Variants in VTI1A observed in about 807,000 individuals in gnomAD.
The protein encoded by VTI1A is vesicle transport through interaction with t-SNAREs 1A, also known as vesicle transport through interaction with t-SNAREs homolog 1A.
A neutral mutation model predicts 34.9 loss-of-function variants in VTI1A; 22 were observed. The observed-to-expected ratio is 0.63, with a 90% CI of 0.45 to 0.90. The LOEUF is 0.90. VTI1A is among the 40% of genes least tolerant of loss of function. The probability of loss-of-function intolerance (pLI) is 0.00; values close to 1 mark genes in which losing one functional copy is unlikely to be tolerated. For synonymous variants in VTI1A, 87 were observed against 97.3 expected, an observed-to-expected ratio of 0.89 and a Z score of 0.62; for missense variants, 268 against 275.6, an observed-to-expected ratio of 0.97 and a Z score of 0.20.
chr10:112,702,111 G>C (rs1849029032), intron 7 of VTI1A, among the ~76,000 whole-genome samples: 1 of 152,136 alleles, frequency 6.6e-6, no homozygotes, highest in Non-Finnish European at 1.5e-5. Flanking sequence ...ACTTTGGGTA[G>C]GGCTGTGGGG....
At chr10:112,457,588 G>A (rs116595289) in intron 1 of VTI1A, among the ~76,000 whole-genome samples, 1 of 152,190 alleles carries the variant, frequency 6.6e-6, no homozygotes, top group Non-Finnish European at 1.5e-5. Context: ...AGGTGGGCCT[G>A]GTGGAGATGG....
At chr10:112,572,078 C>T (rs546120802) in intron 5 of VTI1A, among the ~76,000 whole-genome samples, 2 of 152,154 alleles carry the variant, frequency 1.3e-5, no homozygotes, top group Non-Finnish European at 2.9e-5. Flanking sequence ...CAAACCTTGG[C>T]ATCACACCAT....
At chr10:112,464,222 T>C (rs1232628115) in intron 2 of VTI1A, among the ~76,000 whole-genome samples, 1 of 152,216 alleles carries the variant, frequency 6.6e-6, no homozygotes, top group African/African-American at 2.4e-5. Context: ...GTTCTCAAAC[T>C]CCTGACCTCA....
intron 5 of VTI1A, among the ~76,000 whole-genome samples, chr10:112,641,349 A>G (rs1294567597): frequency 6.6e-6 from 1 of 152,064 alleles, no homozygotes; most frequent in Non-Finnish European, 1.5e-5. Context: ...AAAGGAAAAA[A>G]CAGAATAGCC....
intron 5 of VTI1A, among the ~76,000 whole-genome samples, chr10:112,587,998 A>G (rs1405094317): frequency 6.6e-6 from 1 of 152,138 alleles, no homozygotes; most frequent in African/African-American, 2.4e-5. Flanking sequence ...TTGAAATGAA[A>G]TTAAAAACCA....
chr10:112,760,574 C>G (rs1851427482), intron 7 of VTI1A, among the ~76,000 whole-genome samples: 1 of 152,004 alleles, frequency 6.6e-6, no homozygotes, highest in Non-Finnish European at 1.5e-5. Context: ...GGTCAAGGAC[C>G]AAGATGAGAT....
At chr10:112,497,448 T>C (rs961419477) in intron 3 of VTI1A, among the ~76,000 whole-genome samples, 12 of 152,246 alleles carry the variant, frequency 7.9e-5, no homozygotes, top group African/African-American at 2.9e-4. Context: ...TGCTTCAGTT[T>C]TCCTATCTGT....
intron 5 of VTI1A, chr10:112,548,809 G>A (rs1851234821): frequency 2.0e-6 from 3 of 1,497,110 alleles, no homozygotes; most frequent in Admixed American, 2.0e-5. Flanking sequence ...ACCAACAATG[G>A]CAGCATCACC....
chr10:112,803,518 G>A (rs1013568008), intron 7 of VTI1A, among the ~76,000 whole-genome samples: 2 of 152,222 alleles, frequency 1.3e-5, no homozygotes, highest in South Asian at 2.1e-4. Context: ...AAGAGTGGAC[G>A]TGGGGCCGGA....
chr10:112,775,689 A>G (rs1564920830), intron 7 of VTI1A, among the ~76,000 whole-genome samples: 1 of 152,224 alleles, frequency 6.6e-6, no homozygotes, highest in Non-Finnish European at 1.5e-5. Flanking sequence ...CATTAGTCCA[A>G]ATAAGCTGAA....
chr10:112,844,307 C>T, the VTI1A span, among the ~76,000 whole-genome samples: 1 of 152,198 alleles, frequency 6.6e-6, no homozygotes, highest in South Asian at 2.1e-4. Flanking sequence ...AAATGAGTTG[C>T]AAATCTCCAT....
chr10:112,818,009 G>A lies in VTI1A; in HGVS notation c.*2626G>A. ...CAATTTAATTAAAGTCTCTTAAGTT[G>A]TAAAGAGTTTTAAATGATCCGTGTT... On this transcript the variant is annotated 3_prime_UTR_variant, in exon 8 of 8. Transcript: ENST00000393077. The A allele has an allele frequency of 4.3e-6, 1 of 233,312 alleles. No individual in the cohort carries two copies. The highest frequency in any genetic ancestry group is 8.5e-6 in the Non-Finnish European group (1 of 117,738). 14.5% of individuals were successfully genotyped at this position (233,312 alleles called of 1,614,324 possible). A position where few individuals can be genotyped will look rare whatever the true frequency, so the allele number is the denominator to read the frequency against.
At chr10:112,846,389 C>T in the VTI1A span, among the ~76,000 whole-genome samples, 1 of 152,196 alleles carries the variant, frequency 6.6e-6, no homozygotes, top group African/African-American at 2.4e-5. Context: ...ATTGGAACAG[C>T]ACTGGCCAAT....
chr10:112,454,425 T>A (rs372811638), intron 1 of VTI1A, among the ~76,000 whole-genome samples: 4 of 152,012 alleles, frequency 2.6e-5, no homozygotes, highest in Non-Finnish European at 5.9e-5. Context: ...TGAAGCCCCA[T>A]CTCTACAAAA....
chr10:112,463,007 C>G (rs1434394905), intron 2 of VTI1A, among the ~76,000 whole-genome samples: 1 of 152,134 alleles, frequency 6.6e-6, no homozygotes, highest in Non-Finnish European at 1.5e-5. Flanking sequence ...TCACTGCAAC[C>G]TCTACCTCCC....
chr10:112,749,236 A>T (rs930536448), intron 7 of VTI1A, among the ~76,000 whole-genome samples: 1 of 152,194 alleles, frequency 6.6e-6, no homozygotes, highest in Non-Finnish European at 1.5e-5. Flanking sequence ...TGGAGCTTTA[A>T]GCCTGTCTGT....
At chr10:112,666,974 G>A (rs1847663282) in intron 5 of VTI1A, among the ~76,000 whole-genome samples, 1 of 151,994 alleles carries the variant, frequency 6.6e-6, no homozygotes, top group South Asian at 2.1e-4. Context: ...TAGCCACACA[G>A]CTAGTAAGGG....
the VTI1A span, among the ~76,000 whole-genome samples, chr10:112,840,179 A>G: frequency 1.3e-5 from 2 of 152,172 alleles, no homozygotes; most frequent in Non-Finnish European, 2.9e-5. Flanking sequence ...GGTGAAATCC[A>G]GAAACTAAAC....
chr10:112,789,775 G>A (rs1280653935), intron 7 of VTI1A, among the ~76,000 whole-genome samples: 2 of 151,810 alleles, frequency 1.3e-5, no homozygotes, highest in African/African-American at 4.8e-5. Flanking sequence ...CTTCTTTGTT[G>A]AGGCATTGTC....
Sources: allele counts gnomAD v4.1 joint callset (sites outside exome capture counted in the v4.1 genomes callset), GRCh38; gene constraint gnomAD v4.1.1; transcripts MANE v1.5; gene names NCBI Gene and HGNC (gene_info 2026-07-23, HGNC 2026-07-21).